The following SAXO1 variants were observed in gnomAD, a reference collection of about 807,000 sequenced individuals.
SAXO1 encodes the protein stabilizer of axonemal microtubules 1.
SAXO1 carries 21 observed loss-of-function variants against 17.5 expected under a neutral mutation model. The ratio of observed to expected loss-of-function variants is 1.20; its 90% CI spans 0.85 to 1.72. SAXO1 has a LOEUF of 1.72. Among genes scored for constraint, SAXO1 ranks in the 40% most tolerant of loss-of-function variants. The pLI is 0.00. For missense variants in SAXO1, 843 were observed against 596.0 expected, an observed-to-expected ratio of 1.41 and a Z score of -4.32; for synonymous variants, 274 against 216.5, an observed-to-expected ratio of 1.27 and a Z score of -2.33.
chr9:18,972,674 G>A (rs566213258), intron 1 of SAXO1, among the ~76,000 whole-genome samples: 1 of 152,304 alleles, frequency 6.6e-6, no homozygotes, highest in African/African-American at 2.4e-5. Context: ...AATGGACCTG[G>A]AGTCTCCAAC....
intron 1 of SAXO1, among the ~76,000 whole-genome samples, chr9:19,025,881 CT>C (rs5896831): frequency 6.0e-5 from 9 of 149,992 alleles, no homozygotes; most frequent in South Asian, 2.1e-4. Context: ...TAGAATTACA[CT>C]TTTTTTTTTA....
chr9:18,994,157 G>T (rs571183413), intron 1 of SAXO1, among the ~76,000 whole-genome samples: 2 of 152,178 alleles, frequency 1.3e-5, no homozygotes, highest in African/African-American at 2.4e-5. Context: ...ATTCAGACAG[G>T]TGTCAAGCAG....
chr9:18,941,815 C>T lies in SAXO1; in HGVS notation c.243G>A (p.Val81=), dbSNP rs1158998812. Residue 81 remains valine, a synonymous_variant, in exon 3 of 4, where the codon GTG becomes GTA. Coordinates refer to ENST00000380534, the MANE Select transcript of SAXO1 (RefSeq NM_153707.4). ...TSRRDFGPHK[V]APVKVHQYDQ... is the part of the protein sequence containing the mutation. The stretch of plus-strand genomic sequence containing the variant: ...CATACTGGTGGACCTTCACTGGTGC[C>T]ACTTTGTGAGGCCCAAAATCTCTCC... 1.9e-6 allele frequency: 3 copies of T among 1,614,198 alleles called. No homozygotes were observed. Among genetic ancestry groups the T allele is most frequent in the African/African-American group, 1.3e-5 (1 of 75,044 alleles).
At chr9:19,046,830 C>A in intron 1 of SAXO1, among the ~76,000 whole-genome samples, 1 of 152,126 alleles carries the variant, frequency 6.6e-6, no homozygotes, top group Non-Finnish European at 1.5e-5. Context: ...CTCACCACTG[C>A]ACTCCAGCCT....
intron 1 of SAXO1, among the ~76,000 whole-genome samples, chr9:19,040,186 T>A (rs1836044112): frequency 6.6e-6 from 1 of 152,204 alleles, no homozygotes; most frequent in African/African-American, 2.4e-5. Flanking sequence ...ACCATTGTAA[T>A]CCAAAGGATA....
rs1831017386 is a variant in SAXO1 at position 18,930,886 on chromosome 9, C to T, written c.422-1831G>A. On this transcript the variant is annotated intron_variant, in intron 3 of 3. Transcript: ENST00000380534. ...CCATAAATTACCAGATTTAAATTAG[C>T]CCTAGTGAGCCCTCTGAATCTATAG... Among the ~76,000 whole-genome samples, 3 of 152,176 alleles carry T rather than the reference C, an allele frequency of 2.0e-5. No homozygotes were observed. In the South Asian group the frequency reaches 6.2e-4, roughly 32 times the overall value.
At chr9:19,010,306 C>A (rs1238369746) in intron 1 of SAXO1, among the ~76,000 whole-genome samples, 1 of 152,090 alleles carries the variant, frequency 6.6e-6, no homozygotes, top group East Asian at 1.9e-4. Context: ...ATGGTCATGG[C>A]CACATTTTTA....
rs200630997 is a variant in SAXO1 at position 19,032,853 on chromosome 9, T to C, written c.38+18A>G. ...AACCCAGGCTCCCCCAGCCTTGCCC[T>C]GGGCGTGGCCACCTTACCCGCAGGA... is the stretch of plus-strand genomic sequence containing the variant. On this transcript the variant is annotated intron_variant, in intron 1 of 3. Transcript: ENST00000380534. The C allele has an allele frequency of 4.3e-6, 7 of 1,609,380 alleles. No homozygotes were observed. The African/African-American group carries it at 9.3e-5, about 21-fold the overall frequency.
intron 1 of SAXO1, among the ~76,000 whole-genome samples, chr9:18,977,420 C>A (rs1026614186): frequency 1.3e-5 from 2 of 152,172 alleles, no homozygotes; most frequent in Non-Finnish European, 2.9e-5. Flanking sequence ...ACAACCTCAT[C>A]AGATGCTGCC....
intron 1 of SAXO1, among the ~76,000 whole-genome samples, chr9:18,996,755 A>C (rs556680771): frequency 6.6e-5 from 10 of 152,238 alleles, no homozygotes; most frequent in Admixed American, 1.3e-4. Context: ...GAAAAACTGA[A>C]AACTTTTTCC....
At chr9:19,021,429 C>T (rs912678526) in intron 1 of SAXO1, among the ~76,000 whole-genome samples, 3 of 152,130 alleles carry the variant, frequency 2.0e-5, no homozygotes, top group African/African-American at 7.2e-5. Flanking sequence ...AGGTCTGTGC[C>T]CCATGTCCCC....
At chr9:18,967,340 A>G (rs2182728) in intron 1 of SAXO1, among the ~76,000 whole-genome samples, 126,862 of 152,202 alleles carry the variant, frequency 0.83, 53,295 homozygotes, top group African/African-American at 0.93. Flanking sequence ...CTGAAGCTGC[A>G]TCCACAGCCA....
rs543834032 is a variant in SAXO1 at position 19,039,435 on chromosome 9, G to A, written c.-158+9774C>T. Among the ~76,000 whole-genome samples, 10 of 152,340 alleles carry A rather than the reference G, an allele frequency of 6.6e-5. No individual in the cohort carries two copies. The South Asian group carries it at 1.7e-3, about 25-fold the overall frequency. On this transcript the variant is annotated intron_variant, in intron 1 of 3. Coordinates refer to the SAXO1 transcript ENST00000542071. Reference sequence around the variant, plus strand: ...GTGTATGATGTGATTTAGCTATGCAGAAAATATTTAAGTTGGATGTACCTG... The same window carrying A: ...GTGTATGATGTGATTTAGCTATGCAAAAAATATTTAAGTTGGATGTACCTG...
chr9:18,963,974 T>C (rs967807114), intron 1 of SAXO1, among the ~76,000 whole-genome samples: 21 of 152,126 alleles, frequency 1.4e-4, no homozygotes, highest in African/African-American at 4.6e-4. Flanking sequence ...AATACCTACT[T>C]TACTGAGAGT....
Position 18,965,991 on chromosome 9 carries a change from C to T in SAXO1, c.39-15054G>A, listed in dbSNP as rs145895320. Among the ~76,000 whole-genome samples the T allele has an allele frequency of 2.3e-3, 350 of 152,280 alleles. 2 individuals are homozygous for T. Among genetic ancestry groups the T allele is most frequent in the African/African-American group, 8.0e-3 (333 of 41,564 alleles). On this transcript the variant is annotated intron_variant, in intron 1 of 3. Coordinates refer to ENST00000380534, the MANE Select transcript of SAXO1 (RefSeq NM_153707.4). ...TTGTCTGTAAAGGATTTTATTTCTC[C>T]CTCACTTATGAAGCTTAGTTTGGCT...
In SAXO1 at chr9:18,928,400, G is replaced by C; in HGVS notation, c.1077C>G (p.Pro359=). The C allele has an allele frequency of 1.2e-6, 2 of 1,610,886 alleles. No individual in the cohort carries two copies. Among genetic ancestry groups the C allele is most frequent in the Non-Finnish European group, 1.7e-6 (2 of 1,178,388 alleles). ...GGGGCTCGGTGGGCAAGTCCAGCTG[G>C]GGAACGGGCTTGACTGGCTCTGTGC... ...SMRTEPVKPV[P]QLDLPTEPLD... is the part of the protein sequence containing the mutation. Residue 359 remains proline (P), a synonymous_variant, in exon 4 of 4, where the codon CCC becomes CCG. Coordinates refer to ENST00000380534, the MANE Select transcript of SAXO1 (RefSeq NM_153707.4).
At chr9:19,045,890 G>T (rs1425207725) in intron 1 of SAXO1, among the ~76,000 whole-genome samples, 1 of 151,872 alleles carries the variant, frequency 6.6e-6, no homozygotes, top group Non-Finnish European at 1.5e-5. Context: ...TGCCGGGCGC[G>T]GTGGCTCACC....
chr9:18,953,619 C>T (rs1832127695), intron 1 of SAXO1, among the ~76,000 whole-genome samples: 2 of 152,108 alleles, frequency 1.3e-5, no homozygotes, highest in Non-Finnish European at 2.9e-5. Context: ...CCTTTCCCTA[C>T]CTGCACCATG....
chr9:18,941,428 T>C (rs1184886052), intron 3 of SAXO1, among the ~76,000 whole-genome samples: 1 of 152,180 alleles, frequency 6.6e-6, no homozygotes, highest in Non-Finnish European at 1.5e-5. Flanking sequence ...AATTATATCC[T>C]TTTGATTTGT....
Sources: allele counts gnomAD v4.1 joint callset (sites outside exome capture counted in the v4.1 genomes callset), GRCh38; gene constraint gnomAD v4.1.1; transcripts MANE v1.5; gene names NCBI Gene and HGNC (gene_info 2026-07-23, HGNC 2026-07-21).